The following GABPA variants were observed in gnomAD, a reference collection of about 807,000 sequenced individuals.
GABPA encodes GA binding protein transcription factor subunit alpha, also known as GA-binding protein alpha chain.
A neutral mutation model predicts 59.4 loss-of-function variants in GABPA; 4 were observed. That is an observed-to-expected ratio of 0.07 (90% CI 0.03 to 0.15). The LOEUF is 0.15. Among genes scored for constraint, GABPA ranks in the 10% least tolerant of loss-of-function variants. GABPA has a pLI of 1.00. For synonymous variants in GABPA, 164 were observed against 183.1 expected (o/e 0.90, Z 0.84); for missense variants, 251 against 543.8 (o/e 0.46, Z 5.36).
chr21:25,744,533 A>G (rs1402835493), intron 2 of GABPA, among the ~76,000 whole-genome samples: 2 of 152,180 alleles, frequency 1.3e-5, no homozygotes, highest in African/African-American at 4.8e-5. Context: ...ACATTCACCA[A>G]TTCAGCAAAT....
At chr21:25,744,695 T>A (rs1411772294) in intron 2 of GABPA, among the ~76,000 whole-genome samples, 1 of 152,202 alleles carries the variant, frequency 6.6e-6, no homozygotes, top group Non-Finnish European at 1.5e-5. Flanking sequence ...ACATTTTTTT[T>A]TTAAACGTTG....
At position 25,748,275 on chromosome 21, in the gene GABPA, G is replaced by A. The variant is rs71649687; in HGVS notation, c.223-761G>A. On this transcript the variant is annotated intron_variant, in intron 3 of 9. Transcript: ENST00000400075. ...ATTTGTCATGTGTTTGTGCCATGAC[G>A]ACACCATCAGTTGAATTCTTGGGAA... Among the ~76,000 whole-genome samples, 1,300 of 152,272 alleles carry A rather than the reference G, an allele frequency of 8.5e-3. 19 individuals carry two copies. The highest frequency in any genetic ancestry group is 0.03 in the African/African-American group (1,244 of 41,536).
At chr21:25,768,254 T>C (rs1239196001) in intron 9 of GABPA, among the ~76,000 whole-genome samples, 1 of 151,980 alleles carries the variant, frequency 6.6e-6, no homozygotes, top group Non-Finnish European at 1.5e-5. Context: ...CAATGTCCTT[T>C]ACCTGTTTTT....
In GABPA at chr21:25,735,048, C is replaced by G. The variant is rs538727472; in HGVS notation, c.-557C>G. ...GGACGGGTCTAGGTGAGACAGAAGC[C>G]AAACAGGAGGAGGAAGTGGAGGGTA... is the stretch of plus-strand genomic sequence containing the variant. On this transcript the variant is annotated 5_prime_UTR_variant, in exon 1 of 10. Coordinates refer to ENST00000400075, the MANE Select transcript of GABPA (RefSeq NM_002040.4). 7.5e-7 allele frequency: 1 copy of G among 1,329,572 alleles called. No homozygotes were observed. The highest frequency in any genetic ancestry group is 1.0e-6 in the Non-Finnish European group (1 of 954,622). 82.4% of individuals were successfully genotyped at this position (1,329,572 alleles called of 1,614,324 possible). A position where few individuals can be genotyped will look rare whatever the true frequency, so the allele number is the denominator to read the frequency against.
chr21:25,735,200 C>G lies in GABPA; in HGVS notation c.-405C>G, dbSNP rs67850549. The G allele has an allele frequency of 2.9e-3, 1,703 of 596,572 alleles. 23 individuals are homozygous for G. The African/African-American group carries it at 0.029, about 10-fold the overall frequency. The allele number at this position is 596,572 out of a possible 1,614,324, so 37.0% of individuals were successfully genotyped here. A position where few individuals can be genotyped will look rare whatever the true frequency, so the allele number is the denominator to read the frequency against. On this transcript the variant is annotated 5_prime_UTR_variant, in exon 1 of 10. An upstream open reading frame in the 5' UTR gains an earlier in-frame stop. Coordinates refer to ENST00000400075, the MANE Select transcript of GABPA (RefSeq NM_002040.4). ...TCTTTGAGTGGCCTTTCCCCTAGTT[C>G]AAGCTCCCCTCCGAGTCAGCGTCCT...
intron 5 of GABPA, among the ~76,000 whole-genome samples, chr21:25,754,730 T>C (rs867482576): frequency 2.0e-5 from 3 of 152,212 alleles, no homozygotes; most frequent in African/African-American, 4.8e-5. Context: ...TATCTAATTA[T>C]TTTTGCCCAT....
intron 4 of GABPA, among the ~76,000 whole-genome samples, chr21:25,751,334 G>T (rs772147606): frequency 3.3e-5 from 5 of 150,882 alleles, no homozygotes; most frequent in African/African-American, 4.9e-5. Flanking sequence ...TTTAATTCTG[G>T]ATAGTTGAGG....
At chr21:25,742,597 C>A (rs530046428) in intron 2 of GABPA, among the ~76,000 whole-genome samples, 1 of 152,154 alleles carries the variant, frequency 6.6e-6, no homozygotes, top group South Asian at 2.1e-4. Flanking sequence ...TTAGAAATTA[C>A]CCCAAAATTC....
At chr21:25,745,147 A>G in intron 2 of GABPA, 63 bp from the exon 3 acceptor site, 1 of 1,559,394 alleles carries the variant, frequency 6.4e-7, no homozygotes, top group Non-Finnish European at 8.8e-7. Context: ...TTTTTAGCAT[A>G]TTGTTGCTTT....
chr21:25,763,004 CT>C, intron 7 of GABPA: 1 of 387,552 alleles, frequency 2.6e-6, no homozygotes, highest in Non-Finnish European at 5.0e-6. Flanking sequence ...TTTTCTCTCG[CT>C]TTGCCTTCAG....
At chr21:25,764,902 GT>G (rs3216072) in intron 9 of GABPA, 115 bp downstream of exon 9, 100,857 of 677,662 alleles carry the variant, frequency 0.15, 12,160 homozygotes, top group African/African-American at 0.49. Flanking sequence ...ACTTGTTTAT[GT>G]TTTTTTCTTT....
At chr21:25,765,782 T>A (rs984306841) in intron 9 of GABPA, among the ~76,000 whole-genome samples, 1 of 151,994 alleles carries the variant, frequency 6.6e-6, no homozygotes, top group Non-Finnish European at 1.5e-5. Context: ...TGATACAGAT[T>A]GTATACATAC....
intron 9 of GABPA, among the ~76,000 whole-genome samples, chr21:25,768,128 C>A (rs1243138469): frequency 6.6e-6 from 1 of 151,870 alleles, no homozygotes; most frequent in Non-Finnish European, 1.5e-5. Flanking sequence ...GTCTGTTTTC[C>A]AAAGGAAACA....
At chr21:25,736,783 CTT>C (rs1176788817) in intron 1 of GABPA, among the ~76,000 whole-genome samples, 1 of 152,204 alleles carries the variant, frequency 6.6e-6, no homozygotes, top group African/African-American at 2.4e-5. Context: ...AACTGTTAAT[CTT>C]TCACTGTATG....
intron 4 of GABPA, among the ~76,000 whole-genome samples, chr21:25,751,072 G>C (rs1285598981): frequency 6.6e-6 from 1 of 152,076 alleles, no homozygotes; most frequent in African/African-American, 2.4e-5. Context: ...AGAAACAGAA[G>C]CAGTTATGTA....
intron 2 of GABPA, 87 bp from the exon 3 acceptor site, chr21:25,745,123 G>T: frequency 7.1e-7 from 1 of 1,411,736 alleles, no homozygotes; most frequent in South Asian, 1.2e-5. Context: ...AATGTGTTTT[G>T]GTTTGGGATT....
chr21:25,753,568 A>G (rs1397540264), intron 5 of GABPA, among the ~76,000 whole-genome samples: 1 of 152,184 alleles, frequency 6.6e-6, no homozygotes, highest in African/African-American at 2.4e-5. Flanking sequence ...CAAGACTCTC[A>G]GATGCTGCTG....
At chr21:25,762,884 A>C (rs1349399396) in intron 7 of GABPA, 1 of 260,776 alleles carries the variant, frequency 3.8e-6, no homozygotes, top group East Asian at 1.0e-4. Context: ...ATACAGTTGT[A>C]TACATTCTAA....
intron 1 of GABPA, among the ~76,000 whole-genome samples, chr21:25,740,747 C>T (rs940010961): frequency 1.1e-4 from 17 of 152,158 alleles, no homozygotes; most frequent in Admixed American, 9.8e-4. Context: ...AAATAATGTG[C>T]ATATCTGTAA....
Sources: allele counts gnomAD v4.1 joint callset (sites outside exome capture counted in the v4.1 genomes callset), GRCh38; gene constraint gnomAD v4.1.1; transcripts MANE v1.5; gene names NCBI Gene and HGNC (gene_info 2026-07-23, HGNC 2026-07-21).